Variants in GRK7 observed in about 807,000 individuals in gnomAD.
The protein encoded by GRK7 is G protein-coupled receptor kinase 7.
In GRK7, 24 loss-of-function variants were observed where a neutral mutation model predicts 34.1. That is an observed-to-expected ratio of 0.70 (90% CI 0.51 to 0.99). The LOEUF (loss-of-function observed/expected upper bound fraction) is 0.99. Among genes scored for constraint, GRK7 ranks in the 50% least tolerant of loss-of-function variants. The probability of loss-of-function intolerance (pLI) is 0.00; values close to 1 mark genes in which losing one functional copy is unlikely to be tolerated. For missense variants in GRK7, 644 were observed against 707.3 expected, an observed-to-expected ratio of 0.91 and a Z score of 1.02; for synonymous variants, 256 against 279.4, an observed-to-expected ratio of 0.92 and a Z score of 0.84.
Position 141,765,822 on chromosome 3 carries a change from A to G in GRK7, c.-215+84A>G, listed in dbSNP as rs186141462. Among the ~76,000 whole-genome samples the G allele has an allele frequency of 7.2e-5, 11 of 152,332 alleles. No homozygotes were observed. The East Asian group carries it at 2.1e-3, about 29-fold the overall frequency. On this transcript the variant is annotated intron_variant, in intron 1 of 5. Coordinates refer to ENST00000682958, the MANE Select transcript of GRK7 (RefSeq NM_139209.3). ...CATAGAATGAATAGACAAATGAAAC[A>G]TAGGCCAGAGCTTTGTGTGGATTTT...
intron 1 of GRK7, among the ~76,000 whole-genome samples, chr3:141,772,838 A>T (rs2084622617): frequency 6.6e-6 from 1 of 152,192 alleles, no homozygotes; most frequent in African/African-American, 2.4e-5. Flanking sequence ...CCTTAATCTA[A>T]AATAAAAGTT....
At chr3:141,768,528 C>T (rs1000260309) in intron 1 of GRK7, among the ~76,000 whole-genome samples, 1 of 152,154 alleles carries the variant, frequency 6.6e-6, no homozygotes, top group Admixed American at 6.5e-5. Flanking sequence ...GATCCACCCG[C>T]CTTGGCCTCC....
intron 5 of GRK7, among the ~76,000 whole-genome samples, chr3:141,811,108 A>T (rs1242811201): frequency 6.6e-6 from 1 of 152,012 alleles, no homozygotes; most frequent in African/African-American, 2.4e-5. Flanking sequence ...TGAGGTCAGG[A>T]GTTCGAGACC....
chr3:141,800,173 T>A (rs1013594871), intron 4 of GRK7, among the ~76,000 whole-genome samples: 1 of 151,796 alleles, frequency 6.6e-6, no homozygotes, highest in African/African-American at 2.4e-5. Context: ...GGAAGTGAAA[T>A]ACTATATTCA....
At chr3:141,792,789 C>A (rs2084730912) in intron 4 of GRK7, among the ~76,000 whole-genome samples, 1 of 152,150 alleles carries the variant, frequency 6.6e-6, no homozygotes, top group African/African-American at 2.4e-5. Context: ...TGGCTGGCAG[C>A]CCCTAGGAAG....
At chr3:141,762,092 G>T (rs2107868175), upstream of GRK7, among the ~76,000 whole-genome samples, 1 of 150,470 alleles carries the variant, frequency 6.6e-6, no homozygotes, top group African/African-American at 2.4e-5. Flanking sequence ...TAATTTGATT[G>T]TCTGAAGCCT....
At chr3:141,808,628 G>A (rs1711060027) in intron 5 of GRK7, among the ~76,000 whole-genome samples, 1 of 152,000 alleles carries the variant, frequency 6.6e-6, no homozygotes, top group Admixed American at 6.6e-5. Context: ...CAGGAGAATC[G>A]CTTGAACCCA....
At chr3:141,786,381 A>G (rs1353789116) in intron 4 of GRK7, among the ~76,000 whole-genome samples, 1 of 152,166 alleles carries the variant, frequency 6.6e-6, no homozygotes, top group Non-Finnish European at 1.5e-5. Context: ...GCCCTTGTAT[A>G]ATCCCCTCCC....
At chr3:141,809,999 T>G (rs1398131903) in intron 5 of GRK7, among the ~76,000 whole-genome samples, 1 of 152,206 alleles carries the variant, frequency 6.6e-6, no homozygotes, top group Non-Finnish European at 1.5e-5. Flanking sequence ...TTGAGATATT[T>G]CTGGGCAGAT....
the GRK7 span, among the ~76,000 whole-genome samples, chr3:141,757,115 G>A: frequency 9.1e-5 from 13 of 142,156 alleles, no homozygotes; most frequent in Non-Finnish European, 1.7e-4. Flanking sequence ...CTGACAATAC[G>A]CTTAGATCTT....
In GRK7 at chr3:141,810,392, C is replaced by T. The variant is rs79096405; in HGVS notation, c.1325+2473C>T. On this transcript the variant is annotated intron_variant, in intron 5 of 5. Coordinates refer to ENST00000682958, the MANE Select transcript of GRK7 (RefSeq NM_139209.3). ...ATCCCTCCTTCCCTTCCTCTCTCTC[C>T]CTCTCTCTCTCCCTCTCAGAGACAG... Among the ~76,000 whole-genome samples, 139 of 147,666 alleles carry T rather than the reference C, an allele frequency of 9.4e-4. 5 individuals are homozygous for T. Among genetic ancestry groups the T allele is most frequent in the African/African-American group, 3.3e-3 (124 of 37,556 alleles).
intron 4 of GRK7, among the ~76,000 whole-genome samples, chr3:141,804,750 T>A (rs538570242): frequency 6.7e-6 from 1 of 149,362 alleles, no homozygotes; most frequent in South Asian, 2.1e-4. Flanking sequence ...CACATACATA[T>A]GCACACTCAC....
chr3:141,804,790 C>A (rs907983739), intron 4 of GRK7, among the ~76,000 whole-genome samples: 12 of 150,636 alleles, frequency 8.0e-5, no homozygotes, highest in Middle Eastern at 3.4e-3. Context: ...CTCACATACA[C>A]GCACACATAC....
At chr3:141,753,520 C>T in the GRK7 span, among the ~76,000 whole-genome samples, 2 of 152,190 alleles carry the variant, frequency 1.3e-5, no homozygotes, top group Admixed American at 6.5e-5. Flanking sequence ...AGATCCCTCA[C>T]ATGCACAGTT....
intron 1 of GRK7, among the ~76,000 whole-genome samples, chr3:141,770,961 C>G (rs2084614187): frequency 7.0e-6 from 1 of 142,952 alleles, no homozygotes; most frequent in African/African-American, 2.6e-5. Flanking sequence ...CACCACTGCA[C>G]TCCGGCCTGG....
intron 4 of GRK7, among the ~76,000 whole-genome samples, chr3:141,782,394 G>A (rs946732772): frequency 7.2e-5 from 11 of 152,152 alleles, no homozygotes; most frequent in Admixed American, 4.6e-4. Flanking sequence ...TGGCCAGAAG[G>A]AAGAGCAGAT....
chr3:141,782,672 G>A (rs2084677564), intron 4 of GRK7, among the ~76,000 whole-genome samples: 1 of 152,102 alleles, frequency 6.6e-6, no homozygotes, highest in Non-Finnish European at 1.5e-5. Flanking sequence ...GAGCCCTGAA[G>A]AGGTTTAAGA....
rs189898451 is a variant in GRK7 at position 141,801,107 on chromosome 3, G to A, written c.1051-6538G>A. ...GGGCGGATCACAAGGTCCTGAGATCGAGACCATCCTGGCTAACAGGGTGAA... is the reference window on the plus strand; with the variant it reads ...GGGCGGATCACAAGGTCCTGAGATCAAGACCATCCTGGCTAACAGGGTGAA... On this transcript the variant is annotated intron_variant, in intron 4 of 5. Coordinates refer to ENST00000682958, the MANE Select transcript of GRK7 (RefSeq NM_139209.3). Among the ~76,000 whole-genome samples the A allele has an allele frequency of 4.6e-3, 706 of 151,974 alleles. 3 individuals carry two copies. The highest frequency in any genetic ancestry group is 5.5e-3 in the Non-Finnish European group (376 of 67,964).
At chr3:141,772,570 G>T (rs138810490) in intron 1 of GRK7, among the ~76,000 whole-genome samples, 2 of 152,284 alleles carry the variant, frequency 1.3e-5, no homozygotes, top group East Asian at 3.9e-4. Context: ...AGGATGGTGA[G>T]TTTCTTACTA....
Sources: allele counts gnomAD v4.1 joint callset (sites outside exome capture counted in the v4.1 genomes callset), GRCh38; gene constraint gnomAD v4.1.1; transcripts MANE v1.5; gene names NCBI Gene and HGNC (gene_info 2026-07-23, HGNC 2026-07-21).